The following BCAR3 variants were observed in gnomAD, a reference collection of about 807,000 sequenced individuals.
The protein encoded by BCAR3 is breast cancer anti-estrogen resistance protein 3.
In BCAR3, 37 loss-of-function variants were observed where a neutral mutation model predicts 80.1. The observed-to-expected ratio is 0.46, with a 90% CI of 0.36 to 0.61. The LOEUF (loss-of-function observed/expected upper bound fraction) is 0.61, where lower values mean the gene tolerates loss of function less well. BCAR3 is among the 20% of genes least tolerant of loss of function. BCAR3 has a pLI of 0.00. For synonymous variants in BCAR3, 389 were observed against 418.9 expected, an observed-to-expected ratio of 0.93 and a Z score of 0.87; for missense variants, 978 against 1,068.2, an observed-to-expected ratio of 0.92 and a Z score of 1.18.
chr1:93,789,812 A>C (rs1332411511), intron 2 of BCAR3, among the ~76,000 whole-genome samples: 1 of 152,218 alleles, frequency 6.6e-6, no homozygotes, highest in Non-Finnish European at 1.5e-5. Context: ...GGGAGAAACA[A>C]GATCAGGATT....
intron 2 of BCAR3, among the ~76,000 whole-genome samples, chr1:93,660,979 T>G (rs1273331225): frequency 6.8e-6 from 1 of 146,658 alleles, no homozygotes; most frequent in African/African-American, 2.5e-5. Flanking sequence ...CGGGTTCAAG[T>G]GATTCTCCTG....
intron 3 of BCAR3, among the ~76,000 whole-genome samples, chr1:93,594,144 C>T (rs1423538182): frequency 5.9e-5 from 9 of 152,190 alleles, no homozygotes; most frequent in Admixed American, 3.3e-4. Context: ...CTGTAAGTTT[C>T]ATGAAAACAG....
In BCAR3 at chr1:93,615,004, CTTTTTTT is replaced by C. The variant is rs912095250; in HGVS notation, c.358-22618_358-22612del. Among the ~76,000 whole-genome samples, 11 of 121,988 alleles carry C rather than the reference CTTTTTTT, an allele frequency of 9.0e-5. No homozygotes were observed. The East Asian group carries it at 2.4e-3, about 27-fold the overall frequency. The allele number at this position is 121,988 out of a possible 152,430, so 80.0% of individuals were successfully genotyped here. A position where few individuals can be genotyped will look rare whatever the true frequency, so the allele number is the denominator to read the frequency against. ...AGTTATAGCGGATGCTCAACGAGTT[CTTTTTTT>C]TTTTTTTTTTTTTTAATCAAATCCA... On this transcript the variant is annotated intron_variant, in intron 3 of 11. Coordinates refer to ENST00000260502, the MANE Select transcript of BCAR3 (RefSeq NM_003567.4).
In BCAR3 at chr1:93,846,594, C is replaced by T. The variant is rs1367165563; in HGVS notation, c.-209+476G>A. On this transcript the variant is annotated intron_variant, in intron 1 of 13. Transcript: ENST00000370244. ...CTTCTGGGCAGCGGCGCCAGGCCCG[C>T]TGCCGTCCCCACCGCTCGCAGCCAC... 3.3e-5 allele frequency among the ~76,000 whole-genome samples: 5 copies of T among 152,098 alleles called. No homozygotes were observed. The East Asian group carries it at 9.7e-4, about 30-fold the overall frequency.
chr1:93,572,049 T>G (rs1260174521), intron 8 of BCAR3, among the ~76,000 whole-genome samples: 1 of 152,056 alleles, frequency 6.6e-6, no homozygotes. Flanking sequence ...CCACAGAGGG[T>G]GCACTTTCAG....
At position 93,567,477 on chromosome 1, in the gene BCAR3, G is replaced by A; in HGVS notation, c.2101C>T (p.Pro701Ser). The A allele has an allele frequency of 1.2e-6, 2 of 1,614,240 alleles. No homozygotes were observed. The highest frequency in any genetic ancestry group is 1.7e-6 in the Non-Finnish European group (2 of 1,180,040). ...AGTGGGACTGATACATTGTTTGGGG[G>A]AACACATGTGGACTCTGAAGAATAA... The part of the protein sequence containing the change: ...LHEGRESTCV[P>S]PNNVSVPLLM... The change falls in exon 11 of 12, where the codon CCC becomes TCC. Residue 701 changes from proline to serine, a missense_variant. Coordinates refer to ENST00000260502, the MANE Select transcript of BCAR3 (RefSeq NM_003567.4).
intron 2 of BCAR3, among the ~76,000 whole-genome samples, chr1:93,807,870 C>T (rs1260916084): frequency 6.6e-6 from 1 of 151,644 alleles, no homozygotes; most frequent in Admixed American, 6.6e-5. Flanking sequence ...CCTGTCTCTA[C>T]AAAAAATAAC....
At chr1:93,654,094 C>T (rs1031295664) in intron 2 of BCAR3, among the ~76,000 whole-genome samples, 15 of 152,186 alleles carry the variant, frequency 9.9e-5, no homozygotes, top group African/African-American at 3.4e-4. Context: ...ACCCCAGCCA[C>T]CAGTCCAACT....
chr1:93,658,014 C>T (rs1214040455), intron 2 of BCAR3, among the ~76,000 whole-genome samples: 1 of 151,384 alleles, frequency 6.6e-6, no homozygotes, highest in African/African-American at 2.4e-5. Flanking sequence ...GATCCTGGCT[C>T]ACTGTAACCT....
At chr1:93,616,667 G>A (rs1675137999) in intron 3 of BCAR3, among the ~76,000 whole-genome samples, 1 of 152,212 alleles carries the variant, frequency 6.6e-6, no homozygotes, top group Admixed American at 6.5e-5. Context: ...GTGACCTGGG[G>A]CAGTGGGCCA....
chr1:93,848,060 C>T, upstream of BCAR3: 1 of 157,454 alleles, frequency 6.4e-6, no homozygotes, highest in Non-Finnish European at 1.4e-5. Context: ...AACACGCCTA[C>T]GCCCTGCGTG....
At chr1:93,803,416 T>C (rs1243491357) in intron 2 of BCAR3, among the ~76,000 whole-genome samples, 1 of 152,154 alleles carries the variant, frequency 6.6e-6, no homozygotes, top group Non-Finnish European at 1.5e-5. Context: ...ATAACAAGCA[T>C]AGGAAGAATT....
At chr1:93,588,467 T>C (rs1042878252) in intron 5 of BCAR3, among the ~76,000 whole-genome samples, 5 of 152,204 alleles carry the variant, frequency 3.3e-5, no homozygotes, top group African/African-American at 7.2e-5. Flanking sequence ...GTGTTCGCTA[T>C]GCTGAGTCTG....
intron 2 of BCAR3, among the ~76,000 whole-genome samples, chr1:93,819,185 G>T (rs1418291614): frequency 6.6e-6 from 1 of 152,004 alleles, no homozygotes; most frequent in African/African-American, 2.4e-5. Context: ...TCCCGCCTCA[G>T]GCTCCCAAGT....
chr1:93,687,801 G>C (rs1215711050), intron 3 of BCAR3, among the ~76,000 whole-genome samples: 1 of 152,176 alleles, frequency 6.6e-6, no homozygotes, highest in Non-Finnish European at 1.5e-5. Flanking sequence ...GGCAGCTGGG[G>C]TAGGCATTAG....
intron 3 of BCAR3, among the ~76,000 whole-genome samples, chr1:93,701,061 G>A (rs749637516): frequency 2.0e-5 from 3 of 152,200 alleles, no homozygotes; most frequent in African/African-American, 4.8e-5. Flanking sequence ...GTGTGACCTT[G>A]GGCAAATTCC....
At chr1:93,810,794 ATACT>A (rs1409491648) in intron 2 of BCAR3, among the ~76,000 whole-genome samples, 1 of 152,184 alleles carries the variant, frequency 6.6e-6, no homozygotes, top group East Asian at 1.9e-4. Flanking sequence ...TAACTCTAAT[ATACT>A]CCCATTAGGC....
At chr1:93,744,182 G>A (rs1320698858) in intron 2 of BCAR3, among the ~76,000 whole-genome samples, 1 of 152,196 alleles carries the variant, frequency 6.6e-6, no homozygotes, top group East Asian at 1.9e-4. Context: ...GAAAGCCAAA[G>A]CTCAGAGCAT....
In BCAR3 at chr1:93,567,818, G is replaced by A. The variant is rs139715406; in HGVS notation, c.2008C>T (p.Arg670Trp). The A allele has an allele frequency of 2.5e-6, 4 of 1,614,126 alleles. No homozygotes were observed. Among genetic ancestry groups the A allele is most frequent in the African/African-American group, 1.3e-5 (1 of 75,048 alleles). The change falls in exon 10 of 12, where the codon CGG becomes TGG. Residue 670 changes from arginine (R) to tryptophan (W), a missense_variant. Transcript: ENST00000260502. ...ATGGCAGTTTGGGTGTACTGGTGCCGCAGAGCAGTCCACGTCTTTTCTAAC... is the reference window on the plus strand; with the variant it reads ...ATGGCAGTTTGGGTGTACTGGTGCCACAGAGCAGTCCACGTCTTTTCTAAC... ...TRLEKTWTAL[R>W]HQYTQTAILY...
Sources: allele counts gnomAD v4.1 joint callset (sites outside exome capture counted in the v4.1 genomes callset), GRCh38; gene constraint gnomAD v4.1.1; transcripts MANE v1.5; gene names NCBI Gene and HGNC (gene_info 2026-07-23, HGNC 2026-07-21).